SLC24A2: variants seen among roughly 807,000 people sequenced by gnomAD.
SLC24A2 encodes the protein solute carrier family 24 member 2.
Under a neutral mutation model 62.0 loss-of-function variants are expected in SLC24A2, and 36 were observed. The observed-to-expected ratio is 0.58, with a 90% confidence interval of 0.44 to 0.77. The LOEUF is 0.77. Ranked by LOEUF, SLC24A2 falls within the 30% of genes least tolerant of loss-of-function variation. SLC24A2 has a pLI of 0.00. For missense variants in SLC24A2, 846 were observed against 817.9 expected (o/e 1.03, Z -0.42); for synonymous variants, 358 against 294.0 (o/e 1.22, Z -2.23).
the SLC24A2 span, among the ~76,000 whole-genome samples, chr9:20,019,598 G>A: frequency 6.6e-6 from 1 of 152,082 alleles, no homozygotes; most frequent in Non-Finnish European, 1.5e-5. Context: ...TTAAATGTAA[G>A]GCCTAAAACC....
chr9:20,244,002 C>A, the SLC24A2 span, among the ~76,000 whole-genome samples: 4 of 152,036 alleles, frequency 2.6e-5, no homozygotes, highest in African/African-American at 9.7e-5. Context: ...AACAGGAAGT[C>A]CGGCTGCTGT....
At chr9:20,303,721 A>G in the SLC24A2 span, among the ~76,000 whole-genome samples, 1 of 152,222 alleles carries the variant, frequency 6.6e-6, no homozygotes, top group East Asian at 1.9e-4. Flanking sequence ...ATATCTTGAA[A>G]TTTAATTGAA....
the SLC24A2 span, among the ~76,000 whole-genome samples, chr9:20,182,782 T>C: frequency 6.6e-6 from 1 of 152,028 alleles, no homozygotes; most frequent in Admixed American, 6.5e-5. Flanking sequence ...TAAAGTATGA[T>C]ACAAAAAAGA....
At chr9:19,761,028 G>A (rs1002715159) in intron 2 of SLC24A2, among the ~76,000 whole-genome samples, 4 of 152,052 alleles carry the variant, frequency 2.6e-5, no homozygotes, top group Admixed American at 6.6e-5. Flanking sequence ...AAATCTGCAT[G>A]TTGTGCACAG....
At chr9:19,526,016 T>C (rs1833433142) in intron 9 of SLC24A2, among the ~76,000 whole-genome samples, 1 of 152,110 alleles carries the variant, frequency 6.6e-6, no homozygotes, top group Non-Finnish European at 1.5e-5. Context: ...CCCCAACCTC[T>C]CCAATCCTAG....
chr9:19,860,205 G>A, the SLC24A2 span, among the ~76,000 whole-genome samples: 1 of 152,166 alleles, frequency 6.6e-6, no homozygotes, highest in South Asian at 2.1e-4. Context: ...TGCCTGAGGA[G>A]AGGAGATGAA....
chr9:20,083,437 G>A, the SLC24A2 span, among the ~76,000 whole-genome samples: 1 of 152,194 alleles, frequency 6.6e-6, no homozygotes, highest in Non-Finnish European at 1.5e-5. Flanking sequence ...TGAGAGGTGA[G>A]GCAGAATGCC....
the SLC24A2 span, among the ~76,000 whole-genome samples, chr9:20,128,774 T>A: frequency 1.3e-5 from 2 of 152,092 alleles, no homozygotes; most frequent in Non-Finnish European, 2.9e-5. Flanking sequence ...AGAATGAAGT[T>A]TGACCCTTAC....
the SLC24A2 span, among the ~76,000 whole-genome samples, chr9:20,099,717 T>C: frequency 6.6e-6 from 1 of 152,182 alleles, no homozygotes; most frequent in South Asian, 2.1e-4. Flanking sequence ...GCCTCCAAAG[T>C]AGACTAACAA....
the SLC24A2 span, among the ~76,000 whole-genome samples, chr9:20,185,998 G>T: frequency 6.6e-6 from 1 of 152,084 alleles, no homozygotes; most frequent in Non-Finnish European, 1.5e-5. Flanking sequence ...GGCCTCTTGG[G>T]GCTTACACCA....
At chr9:20,139,855 G>C in the SLC24A2 span, among the ~76,000 whole-genome samples, 1 of 152,300 alleles carries the variant, frequency 6.6e-6, no homozygotes, top group Middle Eastern at 3.4e-3. Context: ...GGGAGGAAAA[G>C]ACTGAAGGCT....
chr9:20,079,702 G>A, the SLC24A2 span, among the ~76,000 whole-genome samples: 8 of 152,160 alleles, frequency 5.3e-5, no homozygotes, highest in African/African-American at 1.7e-4. Flanking sequence ...ACTGTGAATG[G>A]GAGTTCACTC....
intron 8 of SLC24A2, among the ~76,000 whole-genome samples, chr9:19,545,398 G>C (rs1317106003): frequency 6.6e-6 from 1 of 151,886 alleles, no homozygotes; most frequent in East Asian, 1.9e-4. Flanking sequence ...AGAGGAGTTT[G>C]TTATTACCCA....
the SLC24A2 span, among the ~76,000 whole-genome samples, chr9:19,852,242 A>C: frequency 1.3e-5 from 2 of 152,256 alleles, no homozygotes; most frequent in African/African-American, 4.8e-5. Flanking sequence ...TGTCAGATGA[A>C]TAGATTACAA....
the SLC24A2 span, among the ~76,000 whole-genome samples, chr9:20,079,821 A>G: frequency 1.6e-4 from 24 of 152,286 alleles, no homozygotes; most frequent in Middle Eastern, 6.8e-3. Flanking sequence ...CAGCTTAAGG[A>G]GATTTTGGGC....
the SLC24A2 span, among the ~76,000 whole-genome samples, chr9:20,254,340 A>G: frequency 1.3e-5 from 2 of 152,308 alleles, no homozygotes; most frequent in East Asian, 3.9e-4. Flanking sequence ...AATCAATTTA[A>G]TGAGCATTTG....
intron 1 of SLC24A2, 31 bp from the exon 2 acceptor site, chr9:19,787,050 A>C: frequency 1.1e-5 from 15 of 1,348,466 alleles, no homozygotes; most frequent in South Asian, 3.8e-5. Flanking sequence ...AGAATAAGTA[A>C]ATCATAAAAT....
the SLC24A2 span, among the ~76,000 whole-genome samples, chr9:20,104,888 A>C: frequency 2.6e-5 from 4 of 152,252 alleles, no homozygotes; most frequent in Non-Finnish European, 5.9e-5. Context: ...TGCTCCAATT[A>C]AAAGACACAC....
the SLC24A2 span, among the ~76,000 whole-genome samples, chr9:19,922,643 C>T: frequency 6.6e-6 from 1 of 152,174 alleles, no homozygotes; most frequent in African/African-American, 2.4e-5. Context: ...GGCGAGCATC[C>T]TAACAGTCAC....
Sources: allele counts gnomAD v4.1 joint callset (sites outside exome capture counted in the v4.1 genomes callset), GRCh38; gene constraint gnomAD v4.1.1; transcripts MANE v1.5; gene names NCBI Gene and HGNC (gene_info 2026-07-23, HGNC 2026-07-21).